The following UPP2 variants were observed in gnomAD, a reference collection of about 807,000 sequenced individuals.
The protein encoded by UPP2 is uridine phosphorylase 2, also known as UPase 2.
Under a neutral mutation model 26.7 loss-of-function variants are expected in UPP2, and 23 were observed. The ratio of observed to expected loss-of-function variants is 0.86; its 90% CI spans 0.62 to 1.22. UPP2 has a LOEUF of 1.22. UPP2 is among the 50% of genes most tolerant of loss of function. The pLI is 0.00. For missense variants in UPP2, 387 were observed against 396.7 expected (o/e 0.98, Z 0.21); for synonymous variants, 127 against 141.3 (o/e 0.90, Z 0.72).
intron 2 of UPP2, among the ~76,000 whole-genome samples, chr2:158,108,889 T>C (rs1018300214): frequency 4.8e-5 from 3 of 63,140 alleles, no homozygotes; most frequent in African/African-American, 2.6e-4. Flanking sequence ...GGCAAAAGCG[T>C]GTGTGTGTGT....
intron 3 of UPP2, among the ~76,000 whole-genome samples, chr2:158,027,937 C>T (rs1574252401): frequency 6.6e-6 from 1 of 152,192 alleles, no homozygotes; most frequent in South Asian, 2.1e-4. Context: ...GCTGGAGTGA[C>T]TGGGATGCAG....
intron 6 of UPP2, among the ~76,000 whole-genome samples, chr2:158,127,517 C>A (rs139584198): frequency 6.6e-6 from 1 of 151,900 alleles, no homozygotes; most frequent in Non-Finnish European, 1.5e-5. Flanking sequence ...CCATTGCAAA[C>A]TTTAACCTTT....
chr2:158,053,906 T>C (rs1015828982), intron 3 of UPP2, among the ~76,000 whole-genome samples: 1 of 152,214 alleles, frequency 6.6e-6, no homozygotes, highest in Non-Finnish European at 1.5e-5. Flanking sequence ...GGGGTTTTCT[T>C]TACCAGGTTT....
intron 2 of UPP2, among the ~76,000 whole-genome samples, chr2:158,009,924 C>T (rs1364980921): frequency 6.6e-6 from 1 of 152,188 alleles, no homozygotes; most frequent in Non-Finnish European, 1.5e-5. Flanking sequence ...TACATTATTG[C>T]TATTAATCAA....
chr2:158,111,306 G>A (rs1683314940), intron 2 of UPP2, among the ~76,000 whole-genome samples: 1 of 151,984 alleles, frequency 6.6e-6, no homozygotes. Flanking sequence ...TGAATGTTAT[G>A]TCTTCTTGGT....
In UPP2 at chr2:158,123,803, A is replaced by T. The variant is rs1403616619; in HGVS notation, c.719A>T (p.Asp240Val). 6.2e-7 allele frequency: 1 copy of T among 1,614,080 alleles called. No homozygotes were observed. The highest frequency in any genetic ancestry group is 8.5e-7 in the Non-Finnish European group (1 of 1,179,940). Residue 240 changes from aspartate to valine, a missense_variant, in exon 6 of 7, where the codon GAC becomes GTC. Transcript: ENST00000005756. ...LCSFSREKKL[D>V]YLKRAFKAGV... ...TCCTTTTCCAGAGAAAAAAAGTTAG[A>T]CTACTTGAAGAGAGCATTTAAAGCT...
Position 158,134,966 on chromosome 2 carries a change from T to TGTG in UPP2, c.*78_*80dup. ...TGTAATGTGAAAGTCATATTTTATT[T>TGTG]GTGGCATTTTTATATAGTTCTCATC... On this transcript the variant is annotated 3_prime_UTR_variant, in exon 7 of 7. Coordinates refer to ENST00000005756, the MANE Select transcript of UPP2 (RefSeq NM_173355.4). 6.7e-7 allele frequency: 1 copy of TGTG among 1,486,666 alleles called. No homozygotes were observed. The highest frequency in any genetic ancestry group is 2.3e-5 in the Admixed American group (1 of 44,164). 92.1% of individuals were successfully genotyped at this position (1,486,666 alleles called of 1,614,324 possible).
At chr2:158,120,040 TA>T (rs1298026104) in intron 4 of UPP2, among the ~76,000 whole-genome samples, 28 of 150,364 alleles carry the variant, frequency 1.9e-4, no homozygotes, top group Admixed American at 1.5e-3. Flanking sequence ...AAAAATAAAT[TA>T]AAAAAAAATA....
chr2:158,084,365 C>A (rs553649091), intron 3 of UPP2, among the ~76,000 whole-genome samples: 9 of 150,506 alleles, frequency 6.0e-5, no homozygotes, highest in African/African-American at 2.2e-4. Flanking sequence ...TTTTTTCTTG[C>A]TGATTTGAGT....
At chr2:158,087,562 T>C (rs1682837056) in intron 3 of UPP2, among the ~76,000 whole-genome samples, 1 of 152,188 alleles carries the variant, frequency 6.6e-6, no homozygotes. Context: ...TTTGTTTGTT[T>C]TTCATTGTGC....
intron 3 of UPP2, among the ~76,000 whole-genome samples, chr2:158,059,369 C>T (rs906468391): frequency 3.9e-5 from 6 of 152,182 alleles, no homozygotes; most frequent in Non-Finnish European, 7.3e-5. Context: ...AATTATATGG[C>T]CATTTAAATT....
rs200971182 is a variant in UPP2 at position 158,056,718 on chromosome 2, C to T, written c.147+40832C>T. On this transcript the variant is annotated intron_variant, in intron 3 of 9. Coordinates refer to the UPP2 transcript ENST00000605860. ...CATGGCCGTGAGATTCTTAGAAGGA[C>T]GGCAGTCGTACTGGATTCAGGACCT... Among the ~76,000 whole-genome samples the T allele has an allele frequency of 1.9e-4, 29 of 152,270 alleles. 1 individual carries two copies. The South Asian group carries it at 5.2e-3, about 27-fold the overall frequency.
intron 1 of UPP2, among the ~76,000 whole-genome samples, chr2:158,105,183 A>C (rs1430356201): frequency 1.3e-5 from 2 of 152,112 alleles, no homozygotes; most frequent in East Asian, 3.9e-4. Flanking sequence ...TATGATTACT[A>C]TCCAAATAAC....
chr2:158,096,618 A>C (rs1456926661), intron 3 of UPP2, among the ~76,000 whole-genome samples: 5 of 152,006 alleles, frequency 3.3e-5, no homozygotes, highest in African/African-American at 9.7e-5. Flanking sequence ...TAAATAAATA[A>C]ATATAATAAA....
At chr2:158,012,185 G>C (rs1015761347) in intron 2 of UPP2, among the ~76,000 whole-genome samples, 2 of 151,156 alleles carry the variant, frequency 1.3e-5, no homozygotes, top group Admixed American at 1.3e-4. Flanking sequence ...ATCACTCTGA[G>C]GAAAAGAGAA....
chr2:158,074,690 T>TACATACACACAC (rs1682601307), intron 3 of UPP2, among the ~76,000 whole-genome samples: 1 of 135,404 alleles, frequency 7.4e-6, no homozygotes, highest in South Asian at 2.5e-4. Context: ...AAGACCTTCA[T>TACATACACACAC]ACACACACAC....
At chr2:158,092,740 A>G (rs183408584) in intron 3 of UPP2, among the ~76,000 whole-genome samples, 3 of 152,352 alleles carry the variant, frequency 2.0e-5, no homozygotes. Flanking sequence ...GTTACTTTAT[A>G]CCAAAATGTG....
chr2:158,054,789 C>T (rs1682220892), intron 3 of UPP2, among the ~76,000 whole-genome samples: 1 of 152,144 alleles, frequency 6.6e-6, no homozygotes, highest in African/African-American at 2.4e-5. Context: ...TTTTAAACTA[C>T]AATAAATACA....
At chr2:158,068,796 ATATATATTTTTTTTTTTTTTTTTTTT>A (rs1044631833) in intron 3 of UPP2, among the ~76,000 whole-genome samples, 1 of 16,458 alleles carries the variant, frequency 6.1e-5, no homozygotes, top group African/African-American at 2.4e-4. Flanking sequence ...ATATATATAT[ATATATATTTTTTTTTTTTTTTTTTTT>A]TTTTTTTTTT....
Sources: gnomAD v4.1 joint callset for allele counts (sites outside exome capture counted in the v4.1 genomes callset) on GRCh38, gnomAD v4.1.1 for gene constraint, MANE v1.5 for transcripts, NCBI Gene and HGNC (gene_info 2026-07-23, HGNC 2026-07-21) for gene names.